Variants in FRMD4A observed in about 807,000 individuals in gnomAD.
FRMD4A encodes the protein FERM domain-containing protein 4A.
FRMD4A carries 29 observed loss-of-function variants against 129.1 expected under a neutral mutation model. That is an observed-to-expected ratio of 0.22 (90% CI 0.17 to 0.31). The LOEUF is 0.31. FRMD4A is among the 10% of genes least tolerant of loss of function. The probability of loss-of-function intolerance (pLI) is 1.00; values close to 1 mark genes in which losing one functional copy is unlikely to be tolerated. For synonymous variants in FRMD4A, 634 were observed against 571.6 expected, an observed-to-expected ratio of 1.11 and a Z score of -1.56; for missense variants, 1,272 against 1,375.8, an observed-to-expected ratio of 0.92 and a Z score of 1.19.
At chr10:13,835,980 T>G (rs753665963) in intron 3 of FRMD4A, among the ~76,000 whole-genome samples, 10 of 152,222 alleles carry the variant, frequency 6.6e-5, no homozygotes, top group Non-Finnish European at 1.3e-4. Context: ...AGCCTGGCAC[T>G]AAACACTTCA....
At chr10:14,174,502 C>T (rs987630926) in intron 2 of FRMD4A, among the ~76,000 whole-genome samples, 1 of 152,106 alleles carries the variant, frequency 6.6e-6, no homozygotes, top group African/African-American at 2.4e-5. Context: ...AGCTTGTTCT[C>T]TCCAGAGCTG....
At chr10:13,991,712 T>C (rs780519698) in intron 2 of FRMD4A, 2 of 152,682 alleles carry the variant, frequency 1.3e-5, no homozygotes, top group African/African-American at 2.4e-5. Context: ...TTCTATTTTT[T>C]ACTCTCAATG....
chr10:13,731,243 G>A (rs1348571310), intron 12 of FRMD4A, among the ~76,000 whole-genome samples: 1 of 152,174 alleles, frequency 6.6e-6, no homozygotes, highest in African/African-American at 2.4e-5. Flanking sequence ...AGTATAAACA[G>A]GAGATCAGAA....
At chr10:14,256,704 T>G (rs1344561583) in intron 2 of FRMD4A, among the ~76,000 whole-genome samples, 1 of 152,212 alleles carries the variant, frequency 6.6e-6, no homozygotes, top group African/African-American at 2.4e-5. Flanking sequence ...ATATGTGGGC[T>G]GGGTGCAGTG....
Position 13,838,342 on chromosome 10 carries a change from C to T in FRMD4A, c.111+20505G>A, listed in dbSNP as rs539688606. On this transcript the variant is annotated intron_variant, in intron 3 of 24. Coordinates refer to ENST00000357447, the MANE Select transcript of FRMD4A (RefSeq NM_018027.5). ...CTCATGGGCCTAAATGATCCTCCTG[C>T]CTTGCCCTCCCAATGTGTTGGGATT... Among the ~76,000 whole-genome samples the T allele has an allele frequency of 2.7e-4, 41 of 151,816 alleles. 1 individual carries two copies. Among genetic ancestry groups the T allele is most frequent in the Admixed American group, 2.2e-3 (34 of 15,238 alleles).
Position 13,800,498 on chromosome 10 carries a change from C to T in FRMD4A, c.207-3910G>A, listed in dbSNP as rs80203486. On this transcript the variant is annotated intron_variant, in intron 4 of 24. Transcript: ENST00000357447. ...ATGATACAAAAATACAGTGATTTTT[C>T]TCTGGCCACCAGCTCAAAGAATAAG... Among the ~76,000 whole-genome samples the T allele has an allele frequency of 9.3e-3, 1,422 of 152,232 alleles. 25 individuals are homozygous for T. Among genetic ancestry groups the T allele is most frequent in the African/African-American group, 0.033 (1,363 of 41,528 alleles).
At chr10:13,949,705 G>C (rs1048727397) in intron 2 of FRMD4A, among the ~76,000 whole-genome samples, 3 of 152,198 alleles carry the variant, frequency 2.0e-5, no homozygotes, top group African/African-American at 7.2e-5. Context: ...CTATTAGATA[G>C]ATTTTATAAA....
At chr10:13,954,734 T>A (rs537532066) in intron 2 of FRMD4A, among the ~76,000 whole-genome samples, 101 of 152,304 alleles carry the variant, frequency 6.6e-4, no homozygotes, top group African/African-American at 2.0e-3. Flanking sequence ...GGGGTCATCA[T>A]CACAGCCCTG....
At chr10:14,031,360 C>G (rs111871617) in intron 2 of FRMD4A, among the ~76,000 whole-genome samples, 1 of 151,972 alleles carries the variant, frequency 6.6e-6, no homozygotes, top group South Asian at 2.1e-4. Flanking sequence ...CTCCGCCTCC[C>G]GGGTTCAAGT....
intron 2 of FRMD4A, among the ~76,000 whole-genome samples, chr10:13,977,496 T>A (rs2095546095): frequency 1.3e-5 from 2 of 152,218 alleles, no homozygotes; most frequent in Admixed American, 1.3e-4. Flanking sequence ...AAAAATACCT[T>A]ATTGAGATAT....
chr10:14,084,068 T>A (rs974817913), intron 2 of FRMD4A, among the ~76,000 whole-genome samples: 8 of 152,184 alleles, frequency 5.3e-5, no homozygotes, highest in Non-Finnish European at 1.0e-4. Context: ...AATGGTGAAA[T>A]CATCCAGTAA....
intron 2 of FRMD4A, among the ~76,000 whole-genome samples, chr10:14,195,217 T>G (rs1349200188): frequency 1.3e-5 from 2 of 152,126 alleles, no homozygotes; most frequent in African/African-American, 4.8e-5. Context: ...TTTGCTTGAG[T>G]GGAAACAGGC....
intron 18 of FRMD4A, among the ~76,000 whole-genome samples, chr10:13,663,816 C>A (rs1356252277): frequency 6.6e-6 from 1 of 152,190 alleles, no homozygotes; most frequent in African/African-American, 2.4e-5. Flanking sequence ...GCTGCCCCAG[C>A]CTGATTAAAC....
intron 15 of FRMD4A, chr10:13,684,604 T>C (rs988299999): frequency 6.1e-6 from 6 of 985,260 alleles, no homozygotes; most frequent in African/African-American, 1.7e-5. Flanking sequence ...AATGCTCCAA[T>C]TGTTCAGAAG....
chr10:13,778,411 G>T (rs1379354335), intron 6 of FRMD4A, among the ~76,000 whole-genome samples: 1 of 152,080 alleles, frequency 6.6e-6, no homozygotes, highest in Non-Finnish European at 1.5e-5. Flanking sequence ...TTAGTGTGCT[G>T]GGTTTGAGCC....
intron 8 of FRMD4A, among the ~76,000 whole-genome samples, 177 bp downstream of exon 8, chr10:13,761,470 C>T (rs2092072845): frequency 1.3e-5 from 2 of 152,218 alleles, no homozygotes; most frequent in African/African-American, 4.8e-5. Context: ...CTTGCTATTA[C>T]TATATTTTCT....
chr10:13,974,651 C>G (rs965249615), intron 2 of FRMD4A, among the ~76,000 whole-genome samples: 1 of 152,118 alleles, frequency 6.6e-6, no homozygotes, highest in African/African-American at 2.4e-5. Flanking sequence ...CTCAGCCTCC[C>G]GAGTACCTGG....
intron 2 of FRMD4A, among the ~76,000 whole-genome samples, chr10:14,264,923 A>C (rs1844926347): frequency 6.6e-6 from 1 of 152,136 alleles, no homozygotes; most frequent in Non-Finnish European, 1.5e-5. Context: ...CTGGGACTAC[A>C]GGTGCTCACC....
At chr10:13,746,894 T>C (rs2091320002) in intron 9 of FRMD4A, among the ~76,000 whole-genome samples, 24 of 152,134 alleles carry the variant, frequency 1.6e-4, no homozygotes, top group Admixed American at 1.6e-3. Context: ...TCAAATGGCT[T>C]GAATCATTCA....
Sources: gnomAD v4.1 joint callset for allele counts (sites outside exome capture counted in the v4.1 genomes callset) on GRCh38, gnomAD v4.1.1 for gene constraint, MANE v1.5 for transcripts, NCBI Gene and HGNC (gene_info 2026-07-23, HGNC 2026-07-21) for gene names.